The following AKT1 variants were observed in gnomAD, a reference collection of about 807,000 sequenced individuals.
The protein encoded by AKT1 is AKT serine/threonine kinase 1, also known as RAC-alpha serine/threonine-protein kinase.
A neutral mutation model predicts 63.1 loss-of-function variants in AKT1; 21 were observed. That is an observed-to-expected ratio of 0.33 (90% CI 0.24 to 0.48). The LOEUF (loss-of-function observed/expected upper bound fraction) is 0.48. AKT1 is among the 20% of genes least tolerant of loss of function. AKT1 has a pLI of 0.99. For missense variants in AKT1, 382 were observed against 666.0 expected (o/e 0.57, Z 4.69); for synonymous variants, 257 against 253.1 (o/e 1.02, Z -0.15).
intron 1 of AKT1, chr14:104,793,882 T>C (rs1893753163): frequency 6.6e-6 from 1 of 152,252 alleles, no homozygotes; most frequent in African/African-American, 2.4e-5. Context: ...GGGTCCTCTC[T>C]GGGACCTCCA....
chr14:104,782,207 G>T (rs1306981887), intron 3 of AKT1, among the ~76,000 whole-genome samples: 1 of 102,738 alleles, frequency 9.7e-6, no homozygotes, highest in Non-Finnish European at 2.0e-5. Context: ...GGGCCACCCC[G>T]CTGCTCACGC....
chr14:104,772,942 G>T lies in AKT1; in HGVS notation c.1108C>A (p.Arg370Ser), dbSNP rs549370342. ...LILMEEIRFP[R>S]TLGPEAKSLL... is the part of the protein sequence containing the mutation. Reference sequence around the variant, plus strand: ...GACTTGGCCTCGGGACCAAGCGTGCGCGGGAAGCGGATCTCCTCCATGAGG... The same window carrying T: ...GACTTGGCCTCGGGACCAAGCGTGCTCGGGAAGCGGATCTCCTCCATGAGG... Residue 370 changes from arginine to serine, a missense_variant, in exon 12 of 15, where the codon CGC becomes AGC. This residue lies in a region of AKT1 where 66 missense variants were observed against 179.1 expected (regional missense o/e 0.37). Coordinates refer to ENST00000649815, the MANE Select transcript of AKT1 (RefSeq NM_001382430.1). 1.9e-6 allele frequency: 3 copies of T among 1,613,924 alleles called. No homozygotes were observed. The African/African-American group carries it at 4.0e-5, about 22-fold the overall frequency.
intron 5 of AKT1, 162 bp from the exon 6 acceptor site, chr14:104,775,961 C>G (rs1430349847): frequency 3.8e-6 from 3 of 784,316 alleles, no homozygotes; most frequent in African/African-American, 3.5e-5. Flanking sequence ...GCCACATACA[C>G]TCAGGGTCAC....
intron 3 of AKT1, among the ~76,000 whole-genome samples, chr14:104,786,824 C>T (rs1056524804): frequency 6.6e-5 from 10 of 152,304 alleles, no homozygotes; most frequent in East Asian, 3.9e-4. Flanking sequence ...TCAGCGTCTC[C>T]GCGCCCTACA....
Position 104,776,743 on chromosome 14 carries a change from G to A in AKT1, c.203C>T (p.Pro68Leu). 6.2e-7 allele frequency: 1 copy of A among 1,613,298 alleles called. No individual in the cohort carries two copies. Among genetic ancestry groups the A allele is most frequent in the Non-Finnish European group, 8.5e-7 (1 of 1,179,848 alleles). ...AQCQLMKTER[P>L]RPNTFIIRCL... is the part of the protein sequence containing the mutation. ...GCGGATGATGAAGGTGTTGGGCCGG[G>A]GCCGCTCCGTCTTCATCAGCTGGCA... is the stretch of plus-strand genomic sequence containing the variant. Residue 68 changes from proline to leucine, a missense_variant, in exon 5 of 15, where the codon CCC becomes CTC. By Grantham distance (98) the Pro-to-Leu change is moderately conservative. Around this residue, in one of 3 missense-constraint regions of AKT1, gnomAD observed 226 missense variants for 366.4 expected, o/e 0.62. Coordinates refer to ENST00000649815, the MANE Select transcript of AKT1 (RefSeq NM_001382430.1).
chr14:104,777,643 T>G, intron 4 of AKT1: 1 of 987,006 alleles, frequency 1.0e-6, no homozygotes, highest in East Asian at 1.1e-4. Context: ...GAGGTGTGAG[T>G]GAGTGGAGTG....
chr14:104,777,837 C>G, intron 4 of AKT1: 1 of 454,736 alleles, frequency 2.2e-6, no homozygotes, highest in Non-Finnish European at 2.9e-6. Context: ...TCGGGACCAG[C>G]CTGGTGGGGA....
chr14:104,770,563 T>C, intron 14 of AKT1, 143 bp from the exon 15 acceptor site: 2 of 974,278 alleles, frequency 2.1e-6, no homozygotes, highest in South Asian at 1.7e-5. Flanking sequence ...GCCCCACAGA[T>C]TGACACAGGG....
chr14:104,786,660 T>C (rs548585113), intron 3 of AKT1, among the ~76,000 whole-genome samples: 6 of 152,318 alleles, frequency 3.9e-5, no homozygotes, highest in Admixed American at 1.3e-4. Context: ...CCCACCATCT[T>C]GTTTCTGCCC....
At chr14:104,777,964 CAG>C (rs2140938809) in intron 4 of AKT1, 1 of 153,014 alleles carries the variant, frequency 6.5e-6, no homozygotes, top group Non-Finnish European at 1.5e-5. Flanking sequence ...TCCCCAGGGC[CAG>C]AGTCTCGAGC....
Position 104,795,118 on chromosome 14 carries a change from C to T in AKT1, c.-258+366G>A, listed in dbSNP as rs907373540. On this transcript the variant is annotated intron_variant, in intron 1 of 14. Coordinates refer to ENST00000649815, the MANE Select transcript of AKT1 (RefSeq NM_001382430.1). The surrounding 1 kb of genome is among the most constrained non-coding windows in gnomAD (Gnocchi z 5.1). ...ACCCCGGGGCACCTCCGCCGGCTGC[C>T]TCGCTGGCCCAGCGCCCGGGGAGCC... 6.6e-6 allele frequency: 1 copy of T among 152,194 alleles called. No individual in the cohort carries two copies. Among genetic ancestry groups the T allele is most frequent in the Non-Finnish European group, 1.5e-5 (1 of 68,024 alleles). The allele number at this position is 152,194 out of a possible 1,614,324, so 9.4% of individuals were successfully genotyped here.
intron 3 of AKT1, among the ~76,000 whole-genome samples, chr14:104,789,442 A>G (rs1893513452): frequency 1.3e-5 from 2 of 152,246 alleles, no homozygotes; most frequent in Non-Finnish European, 1.5e-5. Flanking sequence ...AAGGTGAGCA[A>G]GCTGTTTGGG....
intron 5 of AKT1, 170 bp from the exon 6 acceptor site, chr14:104,775,969 C>A: frequency 1.4e-6 from 1 of 737,494 alleles, no homozygotes; most frequent in South Asian, 1.9e-5. Flanking sequence ...CACTCAGGGT[C>A]ACGAAGCCCT....
rs183958050 is a variant in AKT1, at chr14:104,794,457, G to C, written c.-258+1027C>G. 1.5e-4 allele frequency: 23 copies of C among 152,374 alleles called. 1 individual carries two copies. The highest frequency in any genetic ancestry group is 5.3e-4 in the African/African-American group (22 of 41,592). The allele number at this position is 152,374 out of a possible 1,614,324, so 9.4% of individuals were successfully genotyped here. On this transcript the variant is annotated intron_variant, in intron 1 of 14. Coordinates refer to ENST00000649815, the MANE Select transcript of AKT1 (RefSeq NM_001382430.1). ...ACCAGGCCAGCACAGGGCTGCCTGT[G>C]GGGGCGGAGGGACCCCGACTTCCCA...
chr14:104,789,962 C>A (rs1893541434), intron 3 of AKT1, among the ~76,000 whole-genome samples: 1 of 152,202 alleles, frequency 6.6e-6, no homozygotes. Flanking sequence ...CACATCAGAA[C>A]AACAGAAAGC....
At chr14:104,782,297 C>A (rs1426398372) in intron 3 of AKT1, among the ~76,000 whole-genome samples, 1 of 152,130 alleles carries the variant, frequency 6.6e-6, no homozygotes, top group Non-Finnish European at 1.5e-5. Context: ...CTCCCCGGGA[C>A]GCTAACTGAG....
chr14:104,779,362 A>G (rs923552870), intron 4 of AKT1, among the ~76,000 whole-genome samples: 1 of 152,218 alleles, frequency 6.6e-6, no homozygotes, highest in African/African-American at 2.4e-5. Flanking sequence ...GAGCCTGTGC[A>G]GGGAGAGGCA....
chr14:104,775,332 C>A, intron 6 of AKT1, 125 bp from the exon 7 acceptor site: 2 of 1,512,466 alleles, frequency 1.3e-6, no homozygotes, highest in Non-Finnish European at 1.8e-6. Context: ...CACTTCACAC[C>A]TGGTGGCCTA....
intron 6 of AKT1, 33 bp from the exon 7 acceptor site, chr14:104,775,240 C>G: frequency 6.2e-7 from 1 of 1,611,360 alleles, no homozygotes; most frequent in Non-Finnish European, 8.5e-7. Context: ...GCAAGCGGCG[C>G]TGCCAACAGT....
Sources: gnomAD v4.1 joint callset for allele counts (sites outside exome capture counted in the v4.1 genomes callset) on GRCh38, gnomAD v4.1.1 for gene constraint, gnomAD v4.1.1 regional missense constraint, Gnocchi (gnomAD v3.1) non-coding constraint, MANE v1.5 for transcripts, NCBI Gene and HGNC (gene_info 2026-07-23, HGNC 2026-07-21) for gene names.